Variants in ADGRG5 observed in about 807,000 individuals in gnomAD.
ADGRG5 encodes the protein G protein-coupled receptor 114.
Under a neutral mutation model 53.2 loss-of-function variants are expected in ADGRG5, and 37 were observed. The ratio of observed to expected loss-of-function variants is 0.70; its 90% confidence interval spans 0.53 to 0.91. The LOEUF is 0.91. Ranked by LOEUF, ADGRG5 falls within the 40% of genes least tolerant of loss-of-function variation. The pLI is 0.00. For missense variants in ADGRG5, 614 were observed against 675.8 expected, an observed-to-expected ratio of 0.91 and a Z score of 1.01; for synonymous variants, 277 against 290.4, an observed-to-expected ratio of 0.95 and a Z score of 0.47.
At chr16:57,559,506 G>T (rs866699164) in intron 1 of ADGRG5, among the ~76,000 whole-genome samples, 1 of 152,170 alleles carries the variant, frequency 6.6e-6, no homozygotes, top group Non-Finnish European at 1.5e-5. Context: ...GAGGGTACAG[G>T]TTACCCTTGT....
Position 57,570,485 on chromosome 16 carries a change from C to T in ADGRG5, c.1158C>T (p.Ile386=), listed in dbSNP as rs747026156. 4 of 1,613,528 alleles carry T rather than the reference C, an allele frequency of 2.5e-6. No homozygotes were observed. The African/African-American group carries it at 4.0e-5, about 16-fold the overall frequency. ...VKSSVYGPCT[I]PVFDSWENGT... ...GCTCGGTATACGGACCCTGCACAAT[C>T]CCCGTCTTCGACAGCTGGGAGAATG... Residue 386 remains isoleucine, a synonymous_variant, in exon 10 of 12, where the codon ATC becomes ATT. Transcript: ENST00000349457.
intron 1 of ADGRG5, among the ~76,000 whole-genome samples, chr16:57,546,001 T>C (rs1055154224): frequency 5.3e-5 from 8 of 152,108 alleles, no homozygotes; most frequent in Admixed American, 4.6e-4. Context: ...AATTTTTGTA[T>C]TTTTAGTAGA....
At chr16:57,555,149 T>C (rs1278199417) in intron 1 of ADGRG5, among the ~76,000 whole-genome samples, 1 of 152,216 alleles carries the variant, frequency 6.6e-6, no homozygotes, top group Non-Finnish European at 1.5e-5. Context: ...TTTTGCGTAA[T>C]TAGGAGAGTG....
At chr16:57,529,293 T>C in the ADGRG5 span, 1 of 1,118,174 alleles carries the variant, frequency 8.9e-7, no homozygotes, top group Non-Finnish European at 1.1e-6. This position sits in a 1 kb window ranked among gnomAD's most constrained non-coding sequence, Gnocchi z 4.1. Context: ...CGCTTCCCTC[T>C]GGGCCACCGG....
chr16:57,569,008 T>C (rs1317545266), intron 9 of ADGRG5, among the ~76,000 whole-genome samples: 1 of 139,282 alleles, frequency 7.2e-6, no homozygotes, highest in Non-Finnish European at 1.6e-5. Context: ...CACCATCACC[T>C]CCTCCACCTC....
At position 57,575,128 on chromosome 16, in the gene ADGRG5, G is replaced by A. The variant is rs546833308; in HGVS notation, c.1486+36G>A. ...AGGGCGGCCTGGAGGAAGCTACCTG[G>A]CAGGGGGTGTATGGCTGGTGGGATG... On this transcript the variant is annotated intron_variant, in intron 11 of 11. Coordinates refer to ENST00000349457, the MANE Select transcript of ADGRG5 (RefSeq NM_001304376.3). 1.4e-5 allele frequency: 22 copies of A among 1,586,826 alleles called. 1 individual carries two copies. In the Admixed American group the frequency reaches 3.3e-4, roughly 23 times the overall value.
upstream of ADGRG5, among the ~76,000 whole-genome samples, chr16:57,539,948 A>G (rs1040176293): frequency 3.9e-5 from 6 of 152,146 alleles, no homozygotes; most frequent in South Asian, 2.1e-4. Flanking sequence ...GGTTAAAACA[A>G]TTTAGCCCTC....
intron 1 of ADGRG5, among the ~76,000 whole-genome samples, chr16:57,551,266 C>A (rs1157601809): frequency 6.6e-6 from 1 of 152,168 alleles, no homozygotes; most frequent in South Asian, 2.1e-4. Flanking sequence ...CTTAAGACAG[C>A]AGTGAAGTTT....
intron 9 of ADGRG5, 76 bp from the exon 10 acceptor site, chr16:57,570,339 TCAG>T: frequency 1.2e-6 from 1 of 836,490 alleles, no homozygotes; most frequent in South Asian, 1.4e-5. Flanking sequence ...AAATTCTGTG[TCAG>T]CAGCCCCAGG....
Position 57,574,842 on chromosome 16 carries a change from C to G in ADGRG5, c.1236C>G (p.His412Gln), listed in dbSNP as rs375083351. 6.9e-6 allele frequency: 11 copies of G among 1,602,408 alleles called. No individual in the cohort carries two copies. The highest frequency in any genetic ancestry group is 9.4e-6 in the Non-Finnish European group (11 of 1,173,286). ...GCTGGGTGCGGAGCCCCGTGGTGCACAGTGTCCTGGTCATGGGCTACGGCG... is the reference window on the plus strand; with the variant it reads ...GCTGGGTGCGGAGCCCCGTGGTGCAGAGTGTCCTGGTCATGGGCTACGGCG... ...SICWVRSPVVHSVLVMGYGGL... is the reference protein window; with the variant it reads ...SICWVRSPVVQSVLVMGYGGL... The change falls in exon 11 of 12, where the codon CAC becomes CAG. Residue 412 changes from histidine to glutamine, a missense_variant. Transcript: ENST00000349457. This position sits in a 1 kb window ranked among gnomAD's most constrained non-coding sequence, Gnocchi z 4.4.
chr16:57,562,745 C>T (rs1340816878), intron 3 of ADGRG5: 1 of 550,136 alleles, frequency 1.8e-6, no homozygotes, highest in Non-Finnish European at 3.3e-6. Context: ...GCTGGGCTCT[C>T]CAGGGTCTAT....
chr16:57,530,097 T>G, the ADGRG5 span, among the ~76,000 whole-genome samples: 1 of 152,186 alleles, frequency 6.6e-6, no homozygotes, highest in Non-Finnish European at 1.5e-5. Context: ...CTGGGGATGA[T>G]GATGGAAACA....
At chr16:57,560,867 C>G (rs540245364) in intron 1 of ADGRG5, among the ~76,000 whole-genome samples, 2 of 152,296 alleles carry the variant, frequency 1.3e-5, no homozygotes, top group Admixed American at 6.5e-5. Flanking sequence ...TCACTGCAGC[C>G]TCCATCTCCT....
intron 1 of ADGRG5, among the ~76,000 whole-genome samples, chr16:57,549,178 A>G (rs2032691729): frequency 6.6e-6 from 1 of 152,222 alleles, no homozygotes; most frequent in African/African-American, 2.4e-5. Flanking sequence ...GGATAAATTC[A>G]TAAGAATGAG....
At chr16:57,538,544 C>T (rs2032441743), upstream of ADGRG5, among the ~76,000 whole-genome samples, 1 of 152,162 alleles carries the variant, frequency 6.6e-6, no homozygotes, top group Non-Finnish European at 1.5e-5. Flanking sequence ...GGCCCGGGGT[C>T]ACCCTATGAG....
intron 1 of ADGRG5, among the ~76,000 whole-genome samples, chr16:57,552,938 T>C (rs1483818642): frequency 6.6e-6 from 1 of 152,100 alleles, no homozygotes; most frequent in Non-Finnish European, 1.5e-5. Flanking sequence ...TCCTAGAGAA[T>C]AGGGAGGCCC....
the ADGRG5 span, among the ~76,000 whole-genome samples, chr16:57,531,671 T>C: frequency 6.6e-6 from 1 of 152,046 alleles, no homozygotes; most frequent in South Asian, 2.1e-4. Flanking sequence ...TACTCTCCAA[T>C]CCCAGCAGGA....
At chr16:57,549,226 A>C (rs2032692908) in intron 1 of ADGRG5, among the ~76,000 whole-genome samples, 1 of 152,204 alleles carries the variant, frequency 6.6e-6, no homozygotes. Flanking sequence ...GTAAAGTTCG[A>C]ATGTGTTGCT....
chr16:57,553,255 C>T (rs936946639), intron 1 of ADGRG5, among the ~76,000 whole-genome samples: 1 of 152,166 alleles, frequency 6.6e-6, no homozygotes, highest in Non-Finnish European at 1.5e-5. Context: ...GTAAAAAAAA[C>T]CCACAAGATT....
Sources: gnomAD v4.1 joint callset for allele counts (sites outside exome capture counted in the v4.1 genomes callset) on GRCh38, gnomAD v4.1.1 for gene constraint, Gnocchi (gnomAD v3.1) non-coding constraint, MANE v1.5 for transcripts, NCBI Gene and HGNC (gene_info 2026-07-23, HGNC 2026-07-21) for gene names.